Variants in RAB3B observed in about 807,000 individuals in gnomAD.
The protein encoded by RAB3B is RAB3B, member RAS oncogene family, also known as ras-related protein Rab-3B.
Under a neutral mutation model 20.5 loss-of-function variants are expected in RAB3B, and 11 were observed. The observed-to-expected ratio is 0.54, with a 90% CI of 0.34 to 0.89. RAB3B has a LOEUF of 0.89. Among genes scored for constraint, RAB3B ranks in the 40% least tolerant of loss-of-function variants. The probability of loss-of-function intolerance (pLI) is 0.02; values close to 1 mark genes in which losing one functional copy is unlikely to be tolerated. For missense variants in RAB3B, 225 were observed against 280.9 expected (o/e 0.80, Z 1.42); for synonymous variants, 99 against 106.3 (o/e 0.93, Z 0.42).
chr1:51,989,814 G>A (rs1269957977), intron 1 of RAB3B, among the ~76,000 whole-genome samples: 1 of 85,844 alleles, frequency 1.2e-5, no homozygotes, highest in African/African-American at 4.6e-5. Flanking sequence ...CCCACCCCTC[G>A]TCTTCCATCT....
intron 2 of RAB3B, among the ~76,000 whole-genome samples, chr1:51,965,388 C>T (rs1484457089): frequency 6.6e-6 from 1 of 152,034 alleles, no homozygotes; most frequent in African/African-American, 2.4e-5. Context: ...GTGGCTTACG[C>T]CTGTAATCCA....
chr1:51,967,515 C>CTTTTTGTT (rs67927521), intron 2 of RAB3B, among the ~76,000 whole-genome samples: 1 of 16,436 alleles, frequency 6.1e-5, no homozygotes, highest in Non-Finnish European at 2.6e-4. Context: ...CTTTTCTTTT[C>CTTTTTGTT]TTTTTCTTTT....
At chr1:51,987,453 T>C (rs1218037146) in intron 1 of RAB3B, among the ~76,000 whole-genome samples, 1 of 152,160 alleles carries the variant, frequency 6.6e-6, no homozygotes, top group African/African-American at 2.4e-5. Context: ...AACCTGTATA[T>C]GGGAGGGTGT....
At position 51,908,507 on chromosome 1, in the gene RAB3B, G is replaced by GCTC. The variant is rs962605080; in HGVS notation, c.*11417_*11419dup. On this transcript the variant is annotated 3_prime_UTR_variant, in exon 5 of 5. Coordinates refer to ENST00000371655, the MANE Select transcript of RAB3B (RefSeq NM_002867.4). Reference sequence around the variant, plus strand: ...CACAGAGATAGATCATCTGCTCCTGGCTCCTTGATCTGAGGGAAGCCTCTG... The same window carrying GCTC: ...CACAGAGATAGATCATCTGCTCCTGGCTCCTCCTTGATCTGAGGGAAGCCTCTG... 1.4e-4 allele frequency: 21 copies of GCTC among 152,024 alleles called. No individual in the cohort carries two copies. Among genetic ancestry groups the GCTC allele is most frequent in the African/African-American group, 5.1e-4 (21 of 41,490 alleles). The allele number at this position is 152,024 out of a possible 1,614,324, so 9.4% of individuals were successfully genotyped here. A position where few individuals can be genotyped will look rare whatever the true frequency, so the allele number is the denominator to read the frequency against.
intron 2 of RAB3B, among the ~76,000 whole-genome samples, chr1:51,953,033 T>C (rs1037123937): frequency 6.6e-6 from 1 of 152,228 alleles, no homozygotes; most frequent in Non-Finnish European, 1.5e-5. Flanking sequence ...AATTATGACC[T>C]ATTTCATTTG....
chr1:51,951,861 C>G (rs1684646710), intron 2 of RAB3B, among the ~76,000 whole-genome samples: 1 of 152,160 alleles, frequency 6.6e-6, no homozygotes, highest in Non-Finnish European at 1.5e-5. Flanking sequence ...TAGGTAGCAA[C>G]TGGTTAGGTC....
At chr1:51,968,004 A>C (rs1684879883) in intron 2 of RAB3B, among the ~76,000 whole-genome samples, 2 of 152,192 alleles carry the variant, frequency 1.3e-5, no homozygotes, top group African/African-American at 4.8e-5. Flanking sequence ...TATAATCACA[A>C]GTGTTTTTAT....
At chr1:51,929,539 A>C (rs1328192077) in intron 4 of RAB3B, among the ~76,000 whole-genome samples, 1 of 152,092 alleles carries the variant, frequency 6.6e-6, no homozygotes, top group Non-Finnish European at 1.5e-5. Context: ...GTATCAAACC[A>C]GGCTGACCTC....
chr1:51,954,126 A>G (rs1571969582), intron 2 of RAB3B, among the ~76,000 whole-genome samples: 1 of 152,248 alleles, frequency 6.6e-6, no homozygotes, highest in African/African-American at 2.4e-5. Flanking sequence ...TTGAGAGGCC[A>G]GAGAATGGGC....
At chr1:51,923,052 G>A (rs376288782) in intron 4 of RAB3B, among the ~76,000 whole-genome samples, 2 of 152,184 alleles carry the variant, frequency 1.3e-5, no homozygotes, top group East Asian at 3.9e-4. Flanking sequence ...GAGTGTTAGA[G>A]ATACAGACAC....
intron 2 of RAB3B, among the ~76,000 whole-genome samples, chr1:51,968,868 T>C (rs948259763): frequency 3.3e-5 from 5 of 152,160 alleles, no homozygotes; most frequent in Non-Finnish European, 7.3e-5. Flanking sequence ...ATATGAGGAG[T>C]TACTCACATC....
intron 1 of RAB3B, 143 bp from the exon 2 acceptor site, chr1:51,977,260 C>T: frequency 1.5e-6 from 1 of 651,678 alleles, no homozygotes; most frequent in East Asian, 2.7e-5. Flanking sequence ...CAGAATCACC[C>T]CATCACTACA....
At chr1:51,979,804 G>C (rs1309039817) in intron 1 of RAB3B, among the ~76,000 whole-genome samples, 1 of 152,004 alleles carries the variant, frequency 6.6e-6, no homozygotes. Flanking sequence ...AGCACTTTGG[G>C]AGGCCGAGGC....
intron 4 of RAB3B, among the ~76,000 whole-genome samples, chr1:51,921,912 T>C (rs1024885563): frequency 2.0e-5 from 3 of 152,212 alleles, no homozygotes; most frequent in Non-Finnish European, 4.4e-5. Context: ...TAGAGAGGGC[T>C]GAAGCCCCCC....
chr1:51,989,101 G>GCGCACACA (rs1553232375), intron 1 of RAB3B, among the ~76,000 whole-genome samples: 2 of 24,014 alleles, frequency 8.3e-5, no homozygotes, highest in African/African-American at 1.7e-4. Flanking sequence ...ACCTGTGCGC[G>GCGCACACA]CGCACACACA....
chr1:51,946,522 C>A (rs753303413), intron 2 of RAB3B, among the ~76,000 whole-genome samples: 3 of 152,206 alleles, frequency 2.0e-5, no homozygotes, highest in Non-Finnish European at 4.4e-5. Context: ...TTCTACACAA[C>A]AGACATTCAT....
chr1:51,909,940 T>C lies in RAB3B; in HGVS notation c.*9987A>G, dbSNP rs2495225. The C allele has an allele frequency of 1.3e-5, 2 of 152,000 alleles. No homozygotes were observed. The highest frequency in any genetic ancestry group is 2.9e-5 in the Non-Finnish European group (2 of 68,006). 9.4% of individuals were successfully genotyped at this position (152,000 alleles called of 1,614,324 possible). On this transcript the variant is annotated 3_prime_UTR_variant, in exon 5 of 5. Coordinates refer to ENST00000371655, the MANE Select transcript of RAB3B (RefSeq NM_002867.4). ...CCAACATCACACGTTCGGCATCTAC[T>C]GTGTGTGCACGGCACTGCACTAAGG...
intron 2 of RAB3B, among the ~76,000 whole-genome samples, chr1:51,969,514 A>G (rs115747996): frequency 4.6e-5 from 7 of 152,176 alleles, no homozygotes; most frequent in Admixed American, 3.3e-4. Context: ...TTGGCCTATG[A>G]CTGGGTTTGT....
intron 4 of RAB3B, among the ~76,000 whole-genome samples, chr1:51,932,274 C>T (rs1026456294): frequency 1.3e-5 from 2 of 152,180 alleles, no homozygotes; most frequent in African/African-American, 4.8e-5. Flanking sequence ...CTCCTCAATA[C>T]TTACAACACT....
Sources: gnomAD v4.1 joint callset for allele counts (sites outside exome capture counted in the v4.1 genomes callset) on GRCh38, gnomAD v4.1.1 for gene constraint, MANE v1.5 for transcripts, NCBI Gene and HGNC (gene_info 2026-07-23, HGNC 2026-07-21) for gene names.